Variants in MYCBP2 observed in about 807,000 individuals in gnomAD.
MYCBP2 encodes the protein E3 ubiquitin-protein ligase MYCBP2.
In MYCBP2, 120 loss-of-function variants were observed where a neutral mutation model predicts 525.3. The observed-to-expected ratio is 0.23, with a 90% CI of 0.20 to 0.27. The LOEUF (loss-of-function observed/expected upper bound fraction) is 0.27. MYCBP2 is among the 10% of genes least tolerant of loss of function. MYCBP2 has a pLI of 1.00. For synonymous variants in MYCBP2, 1,894 were observed against 1,955.8 expected, an observed-to-expected ratio of 0.97 and a Z score of 0.83; for missense variants, 4,149 against 5,657.1, an observed-to-expected ratio of 0.73 and a Z score of 8.55.
chr13:77,300,334 T>C (rs1327645669), intron 1 of MYCBP2, among the ~76,000 whole-genome samples: 3 of 152,218 alleles, frequency 2.0e-5, no homozygotes, highest in Non-Finnish European at 4.4e-5. Context: ...AAGATCTCTG[T>C]TGCAACTACT....
intron 46 of MYCBP2, 23 bp from the exon 47 acceptor site, chr13:77,150,972 C>A: frequency 6.5e-7 from 1 of 1,541,986 alleles, no homozygotes; most frequent in Non-Finnish European, 9.0e-7. Context: ...TTATAGAAAC[C>A]AAATACCATT....
chr13:77,145,708 C>T (rs989906146), intron 48 of MYCBP2, among the ~76,000 whole-genome samples: 3 of 151,802 alleles, frequency 2.0e-5, no homozygotes, highest in African/African-American at 4.8e-5. Flanking sequence ...AAAATATTAA[C>T]TCAAAAAAAG....
At chr13:77,085,509 G>A (rs1289998150) in intron 62 of MYCBP2, among the ~76,000 whole-genome samples, 2 of 152,140 alleles carry the variant, frequency 1.3e-5, no homozygotes, top group Non-Finnish European at 2.9e-5. Flanking sequence ...GTACTAAAAA[G>A]AGTGTTATGG....
At chr13:77,306,911 A>C (rs765358543) in intron 1 of MYCBP2, among the ~76,000 whole-genome samples, 1 of 152,192 alleles carries the variant, frequency 6.6e-6, no homozygotes, top group Non-Finnish European at 1.5e-5. Context: ...ATGTGTATCA[A>C]ATTTAAAGAA....
chr13:77,099,906 A>G (rs1158128493), intron 55 of MYCBP2: 1 of 152,078 alleles, frequency 6.6e-6, no homozygotes, highest in Non-Finnish European at 1.5e-5. Flanking sequence ...CCTTCATTCT[A>G]TTTTATGCTT....
At position 77,171,547 on chromosome 13, in the gene MYCBP2, T is replaced by C. The variant is rs761158596; in HGVS notation, c.5739A>G (p.Val1913=). Residue 1913 remains valine, a synonymous_variant, in exon 38 of 83, where the codon GTA becomes GTG. Coordinates refer to ENST00000544440, the MANE Select transcript of MYCBP2 (RefSeq NM_015057.5). ...CCTTAGAGGCTCGAACGACAGTGCT[T>C]ACAACAGACAATGCTCTGCTACAGT... ...DKNCSRALSV[V]STVVRASKDL... is the part of the protein sequence containing the mutation. 1 of 1,614,136 alleles carries C rather than the reference T, an allele frequency of 6.2e-7. No homozygotes were observed. Among genetic ancestry groups the C allele is most frequent in the Non-Finnish European group, 8.5e-7 (1 of 1,179,978 alleles).
chr13:77,278,264 T>C (rs1421975142), intron 4 of MYCBP2, among the ~76,000 whole-genome samples: 1 of 152,208 alleles, frequency 6.6e-6, no homozygotes, highest in Non-Finnish European at 1.5e-5. Context: ...GCCAAAAGTT[T>C]AATAAGAACG....
At chr13:77,137,435 G>A (rs535953873) in intron 52 of MYCBP2, among the ~76,000 whole-genome samples, 2 of 152,198 alleles carry the variant, frequency 1.3e-5, no homozygotes, top group East Asian at 3.9e-4. Context: ...ATTTTATTAG[G>A]GACTTAAGAA....
intron 1 of MYCBP2, among the ~76,000 whole-genome samples, chr13:77,317,721 G>A (rs937312742): frequency 1.2e-4 from 18 of 152,136 alleles, no homozygotes; most frequent in East Asian, 3.9e-4. Context: ...GCCGGATCAC[G>A]AGGTCAGGAG....
At chr13:77,243,214 C>T in intron 16 of MYCBP2, 54 bp from the exon 17 acceptor site, 2 of 1,294,138 alleles carry the variant, frequency 1.5e-6, no homozygotes. Context: ...TATATAATAG[C>T]TATGACAGAA....
intron 31 of MYCBP2, 58 bp from the exon 32 acceptor site, chr13:77,185,435 C>T (rs1426998320): frequency 1.3e-6 from 2 of 1,513,272 alleles, no homozygotes; most frequent in Non-Finnish European, 9.0e-7. Flanking sequence ...TGCATGAAAA[C>T]AATCAATATA....
At chr13:77,262,179 C>G (rs1238985732) in intron 10 of MYCBP2, 50 bp from the exon 11 acceptor site, 1 of 1,418,844 alleles carries the variant, frequency 7.0e-7, no homozygotes, top group Admixed American at 1.8e-5. Flanking sequence ...ATGAAGAATT[C>G]TAAATACAAC....
chr13:77,124,260 T>G (rs761691260), intron 54 of MYCBP2, among the ~76,000 whole-genome samples: 1 of 152,182 alleles, frequency 6.6e-6, no homozygotes, highest in Non-Finnish European at 1.5e-5. Flanking sequence ...TTATATCACC[T>G]ACCTCAAAGG....
At chr13:77,174,625 A>C (rs1433310887) in intron 36 of MYCBP2, 136 bp from the exon 37 acceptor site, 1 of 671,176 alleles carries the variant, frequency 1.5e-6, no homozygotes, top group Non-Finnish European at 2.5e-6. Context: ...ATAAGTTTTT[A>C]ATGAATCAAA....
At chr13:77,128,411 T>C (rs2052088812) in intron 52 of MYCBP2, among the ~76,000 whole-genome samples, 2 of 151,940 alleles carry the variant, frequency 1.3e-5, no homozygotes, top group Non-Finnish European at 2.9e-5. Flanking sequence ...ATAATATTCC[T>C]AGTGCATTTA....
chr13:77,155,949 T>C (rs958490346), intron 46 of MYCBP2, 109 bp downstream of exon 46: 3 of 1,029,212 alleles, frequency 2.9e-6, no homozygotes, highest in Non-Finnish European at 4.1e-6. Context: ...TCACCCTTTA[T>C]ATAAAGAGGG....
At chr13:77,196,892 T>A (rs1424847612) in intron 26 of MYCBP2, among the ~76,000 whole-genome samples, 2 of 152,188 alleles carry the variant, frequency 1.3e-5, no homozygotes, top group African/African-American at 2.4e-5. Flanking sequence ...GCTGGACCAC[T>A]ATGAGGAAGA....
chr13:77,174,902 T>TATATATATAATATATA, intron 36 of MYCBP2, among the ~76,000 whole-genome samples: 1 of 111,584 alleles, frequency 9.0e-6, no homozygotes, highest in South Asian at 2.8e-4. Flanking sequence ...AGCCATACTA[T>TATATATATAATATATA]ATATATATAA....
chr13:77,210,403 A>G (rs575155848), intron 23 of MYCBP2, among the ~76,000 whole-genome samples: 6 of 152,208 alleles, frequency 3.9e-5, no homozygotes, highest in East Asian at 1.9e-4. Context: ...TGTGTTAGCC[A>G]GGATGGTCTC....
Sources: gnomAD v4.1 joint callset for allele counts (sites outside exome capture counted in the v4.1 genomes callset) on GRCh38, gnomAD v4.1.1 for gene constraint, MANE v1.5 for transcripts, NCBI Gene and HGNC (gene_info 2026-07-23, HGNC 2026-07-21) for gene names.